The following PTPN14 variants were observed in gnomAD, a reference collection of about 807,000 sequenced individuals.
The protein encoded by PTPN14 is tyrosine-protein phosphatase non-receptor type 14.
Under a neutral mutation model 126.8 loss-of-function variants are expected in PTPN14, and 53 were observed. That is an observed-to-expected ratio of 0.42 (90% CI 0.34 to 0.53). The LOEUF (loss-of-function observed/expected upper bound fraction) is 0.53, where lower values mean the gene tolerates loss of function less well. Ranked by LOEUF, PTPN14 falls within the 20% of genes least tolerant of loss-of-function variation. PTPN14 has a pLI of 0.08. For missense variants in PTPN14, 1,257 were observed against 1,552.9 expected (o/e 0.81, Z 3.20); for synonymous variants, 630 against 599.3 (o/e 1.05, Z -0.75).
At chr1:214,373,559 AC>A (rs1658269767) in intron 15 of PTPN14, among the ~76,000 whole-genome samples, 5 of 326 alleles carry the variant, frequency 0.015, no homozygotes, top group Non-Finnish European at 0.031. Flanking sequence ...TTTCATTGAA[AC>A]ACACACACAC....
At chr1:214,393,020 G>A (rs1461929467) in intron 10 of PTPN14, among the ~76,000 whole-genome samples, 1 of 152,142 alleles carries the variant, frequency 6.6e-6, no homozygotes, top group Non-Finnish European at 1.5e-5. Context: ...GCTGAGGAAC[G>A]TCTTTTGAAG....
chr1:214,363,675 C>G (rs1658006781), intron 18 of PTPN14, among the ~76,000 whole-genome samples: 1 of 152,194 alleles, frequency 6.6e-6, no homozygotes, highest in Admixed American at 6.5e-5. Flanking sequence ...GTAATTATTT[C>G]TGGGCCTCAG....
chr1:214,496,423 A>C (rs1259206506), intron 1 of PTPN14, among the ~76,000 whole-genome samples: 1 of 152,144 alleles, frequency 6.6e-6, no homozygotes, highest in Non-Finnish European at 1.5e-5. Flanking sequence ...CTGCACACTG[A>C]CCTCACTCAT....
intron 13 of PTPN14, among the ~76,000 whole-genome samples, chr1:214,378,593 C>G (rs1313939602): frequency 2.0e-5 from 3 of 152,200 alleles, no homozygotes; most frequent in Non-Finnish European, 4.4e-5. Context: ...GAAAATCTTC[C>G]TAAGTTTCCG....
chr1:214,380,977 A>G (rs908325467), intron 13 of PTPN14, among the ~76,000 whole-genome samples: 1 of 152,190 alleles, frequency 6.6e-6, no homozygotes, highest in African/African-American at 2.4e-5. Flanking sequence ...GGGGAAAAAA[A>G]AATCAACAGG....
intron 5 of PTPN14, among the ~76,000 whole-genome samples, chr1:214,406,344 G>A (rs988882910): frequency 5.3e-5 from 8 of 152,070 alleles, no homozygotes; most frequent in Admixed American, 1.3e-4. Context: ...CAGGCATGGT[G>A]GCACATGCCT....
chr1:214,404,687 G>A (rs1270172842), intron 5 of PTPN14, among the ~76,000 whole-genome samples: 1 of 152,192 alleles, frequency 6.6e-6, no homozygotes, highest in East Asian at 1.9e-4. Flanking sequence ...GCCAGGGAGA[G>A]TGCGAGCATG....
At chr1:214,440,803 G>A (rs1660022030) in intron 3 of PTPN14, among the ~76,000 whole-genome samples, 1 of 152,218 alleles carries the variant, frequency 6.6e-6, no homozygotes, top group African/African-American at 2.4e-5. Flanking sequence ...ATGTGTAAAT[G>A]CTGCTGACTA....
chr1:214,454,918 A>T (rs750786662), intron 2 of PTPN14, among the ~76,000 whole-genome samples: 2 of 151,222 alleles, frequency 1.3e-5, no homozygotes, highest in Non-Finnish European at 2.9e-5. Context: ...TCCTAACTTT[A>T]GAACTGTCAA....
intron 3 of PTPN14, among the ~76,000 whole-genome samples, chr1:214,426,031 G>T (rs1429524565): frequency 4.7e-4 from 2 of 4,262 alleles, no homozygotes; most frequent in Non-Finnish European, 8.4e-4. Flanking sequence ...AGCATAAATC[G>T]CAAAAAAAAA....
chr1:214,544,784 GA>G (rs1655926923), intron 1 of PTPN14, among the ~76,000 whole-genome samples: 1 of 150,626 alleles, frequency 6.6e-6, no homozygotes, highest in Non-Finnish European at 1.5e-5. Context: ...GGGAACAGAA[GA>G]AAGAGACAGA....
intron 2 of PTPN14, among the ~76,000 whole-genome samples, chr1:214,461,795 T>C (rs1280285871): frequency 6.6e-6 from 1 of 152,166 alleles, no homozygotes; most frequent in Non-Finnish European, 1.5e-5. Context: ...GCAATAGAGT[T>C]AGGCCCCAAC....
chr1:214,426,832 G>A (rs1386365186), intron 3 of PTPN14, among the ~76,000 whole-genome samples: 1 of 152,188 alleles, frequency 6.6e-6, no homozygotes, highest in Non-Finnish European at 1.5e-5. Context: ...TGCCAGTGTG[G>A]GGCAGTCAGT....
chr1:214,473,448 CTT>C (rs1660804636), intron 1 of PTPN14, among the ~76,000 whole-genome samples: 1 of 152,172 alleles, frequency 6.6e-6, no homozygotes, highest in South Asian at 2.1e-4. Flanking sequence ...ATACTTAACT[CTT>C]TATTTTTTTT....
At chr1:214,410,209 C>T (rs1306082863) in intron 5 of PTPN14, among the ~76,000 whole-genome samples, 2 of 151,850 alleles carry the variant, frequency 1.3e-5, no homozygotes, top group African/African-American at 2.4e-5. Context: ...TGCAAGAAAT[C>T]GCTGCCCAGA....
chr1:214,488,466 C>CA (rs1436036478), intron 1 of PTPN14, among the ~76,000 whole-genome samples: 1 of 152,144 alleles, frequency 6.6e-6, no homozygotes, highest in Non-Finnish European at 1.5e-5. Context: ...ATCACTAAAG[C>CA]ATCTAAGCAG....
rs1287958222 is a variant in PTPN14, at chr1:214,487,951, A to T, written c.-154-22994T>A. 2.0e-5 allele frequency among the ~76,000 whole-genome samples: 3 copies of T among 152,254 alleles called. No homozygotes were observed. In the East Asian group the frequency reaches 5.8e-4, roughly 29 times the overall value. ...CCTGGAGATGCTATGACATTCCTCC[A>T]ACATTGCAGTCATGTTAGCAAGAGC... On this transcript the variant is annotated intron_variant, in intron 1 of 18. Coordinates refer to ENST00000366956, the MANE Select transcript of PTPN14 (RefSeq NM_005401.5).
intron 8 of PTPN14, 127 bp from the exon 9 acceptor site, chr1:214,395,113 A>C (rs1285665031): frequency 1.2e-6 from 1 of 845,922 alleles, no homozygotes. Context: ...TTTTTAAGTG[A>C]AATGTTCTTT....
intron 1 of PTPN14, among the ~76,000 whole-genome samples, chr1:214,540,116 T>C (rs1483503957): frequency 6.6e-6 from 1 of 152,194 alleles, no homozygotes; most frequent in Non-Finnish European, 1.5e-5. Context: ...ATATATATGA[T>C]CTTTTAAAAA....
Sources: allele counts gnomAD v4.1 joint callset (sites outside exome capture counted in the v4.1 genomes callset), GRCh38; gene constraint gnomAD v4.1.1; transcripts MANE v1.5; gene names NCBI Gene and HGNC (gene_info 2026-07-23, HGNC 2026-07-21).